Variants in HDAC9 observed in about 807,000 individuals in gnomAD.
The protein encoded by HDAC9 is histone deacetylase 9, also known as MEF-2 interacting transcription repressor (MITR) protein.
A neutral mutation model predicts 139.4 loss-of-function variants in HDAC9; 41 were observed. The ratio of observed to expected loss-of-function variants is 0.29; its 90% confidence interval spans 0.23 to 0.38. The LOEUF is 0.38. HDAC9 is among the 10% of genes least tolerant of loss of function. The pLI, the probability that HDAC9 is intolerant of heterozygous loss-of-function variation, is 1.00. For synonymous variants in HDAC9, 517 were observed against 476.2 expected (o/e 1.09, Z -1.12); for missense variants, 1,147 against 1,297.0 (o/e 0.88, Z 1.78).
chr7:18,349,567 T>C (rs1175502287), intron 1 of HDAC9, among the ~76,000 whole-genome samples: 2 of 152,130 alleles, frequency 1.3e-5, no homozygotes, highest in Admixed American at 6.6e-5. Flanking sequence ...TTCTCAAACA[T>C]TGAATTGGGG....
chr7:18,560,963 C>T (rs1043598974), intron 2 of HDAC9, among the ~76,000 whole-genome samples: 2 of 152,130 alleles, frequency 1.3e-5, no homozygotes, highest in Non-Finnish European at 2.9e-5. Context: ...AAATGACTAT[C>T]TTATTAAGAC....
At chr7:18,957,099 G>T (rs1004554839) in intron 24 of HDAC9, among the ~76,000 whole-genome samples, 1 of 151,722 alleles carries the variant, frequency 6.6e-6, no homozygotes, top group Non-Finnish European at 1.5e-5. Flanking sequence ...CAGTTGAGAG[G>T]GCTCTGAATA....
At chr7:18,922,994 A>G (rs928214150) in intron 22 of HDAC9, among the ~76,000 whole-genome samples, 1 of 152,230 alleles carries the variant, frequency 6.6e-6, no homozygotes, top group South Asian at 2.1e-4. Context: ...AATTATTAGG[A>G]TGAGTTACAC....
chr7:18,826,928 A>G (rs1340286574), intron 17 of HDAC9, among the ~76,000 whole-genome samples: 3 of 151,782 alleles, frequency 2.0e-5, no homozygotes, highest in African/African-American at 7.3e-5. Flanking sequence ...CCATTAGATA[A>G]TTCATTTTTG....
chr7:18,407,464 GCCTAAAAACGTATGAA>G (rs1401065183), intron 1 of HDAC9, among the ~76,000 whole-genome samples: 1 of 152,018 alleles, frequency 6.6e-6, no homozygotes, highest in African/African-American at 2.4e-5. Flanking sequence ...CAAACAAAGA[GCCTAAAAACGTATGAA>G]CAGCCAATAG....
chr7:18,748,855 G>T, intron 13 of HDAC9, 150 bp from the exon 14 acceptor site: 2 of 737,150 alleles, frequency 2.7e-6, no homozygotes, highest in East Asian at 5.4e-5. Context: ...GTTCTTATGT[G>T]CTCCTGAGAA....
intron 1 of HDAC9, among the ~76,000 whole-genome samples, chr7:18,133,932 G>GCACACACACACACACGCACACA (rs139875314): frequency 8.9e-5 from 13 of 145,828 alleles, no homozygotes; most frequent in African/African-American, 3.1e-4. Flanking sequence ...ATACACGCGT[G>GCACACACACACACACGCACACA]CACACACACA....
At chr7:18,576,945 AAGAG>A (rs142999008) in intron 2 of HDAC9, among the ~76,000 whole-genome samples, 22 of 151,438 alleles carry the variant, frequency 1.5e-4, no homozygotes, top group African/African-American at 5.1e-4. Flanking sequence ...GAGAGAGAAA[AAGAG>A]AGAGAGAGAG....
chr7:18,993,474 C>G (rs1030244885), intron 25 of HDAC9, among the ~76,000 whole-genome samples: 2 of 152,276 alleles, frequency 1.3e-5, no homozygotes, highest in Admixed American at 6.5e-5. Flanking sequence ...TTCCAACTTA[C>G]TATGCTACTA....
chr7:18,473,755 T>TTCC (rs1794904955), intron 1 of HDAC9, among the ~76,000 whole-genome samples: 1 of 152,244 alleles, frequency 6.6e-6, no homozygotes. Context: ...TAGAGCCTTG[T>TTCC]TATGTTTTCC....
chr7:18,986,455 G>T (rs1208234225), intron 25 of HDAC9, among the ~76,000 whole-genome samples: 1 of 101,580 alleles, frequency 9.8e-6, no homozygotes, highest in Non-Finnish European at 2.1e-5. Context: ...CCAGTACCAT[G>T]CTGTTTTGGT....
chr7:18,122,657 C>A (rs189105819), intron 1 of HDAC9, among the ~76,000 whole-genome samples: 144 of 152,138 alleles, frequency 9.5e-4, no homozygotes, highest in African/African-American at 3.4e-3. Context: ...CTTGCTGTGT[C>A]CCCCAGGCTG....
At chr7:18,406,370 C>T (rs1026534645) in intron 1 of HDAC9, among the ~76,000 whole-genome samples, 12 of 151,972 alleles carry the variant, frequency 7.9e-5, no homozygotes, top group African/African-American at 2.7e-4. Flanking sequence ...CAATATTTCC[C>T]TTTTTTTCTT....
intron 16 of HDAC9, among the ~76,000 whole-genome samples, chr7:18,786,840 C>CTTCT (rs1443718740): frequency 5.1e-5 from 2 of 38,980 alleles, no homozygotes; most frequent in Non-Finnish European, 1.5e-4. Flanking sequence ...TCCTTCATTC[C>CTTCT]TTCCTTCCTT....
At chr7:18,785,475 G>C (rs964741060) in intron 16 of HDAC9, among the ~76,000 whole-genome samples, 5 of 151,988 alleles carry the variant, frequency 3.3e-5, no homozygotes, top group African/African-American at 1.2e-4. Flanking sequence ...CAAAATCACT[G>C]TCATTGAGAT....
intron 11 of HDAC9, among the ~76,000 whole-genome samples, chr7:18,651,539 A>G (rs998235326): frequency 2.0e-5 from 3 of 152,188 alleles, no homozygotes; most frequent in Non-Finnish European, 2.9e-5. Context: ...ATGTGTTTGA[A>G]TTACTAATAA....
At chr7:18,101,798 A>C (rs949959772) in intron 1 of HDAC9, among the ~76,000 whole-genome samples, 1 of 152,232 alleles carries the variant, frequency 6.6e-6, no homozygotes, top group Non-Finnish European at 1.5e-5. Flanking sequence ...TTTGTTGAGC[A>C]TAATAATTTA....
chr7:18,639,631 A>G (rs755897846), intron 8 of HDAC9, among the ~76,000 whole-genome samples: 1 of 152,086 alleles, frequency 6.6e-6, no homozygotes, highest in Admixed American at 6.6e-5. Flanking sequence ...AAGAGTAGAA[A>G]ATAAATACAA....
chr7:18,570,012 T>C (rs1341272676), intron 2 of HDAC9, among the ~76,000 whole-genome samples: 1 of 152,200 alleles, frequency 6.6e-6, no homozygotes, highest in Non-Finnish European at 1.5e-5. Flanking sequence ...CCAAACCTCA[T>C]TAACACTGTT....
Sources: allele counts gnomAD v4.1 joint callset (sites outside exome capture counted in the v4.1 genomes callset), GRCh38; gene constraint gnomAD v4.1.1; transcripts MANE v1.5; gene names NCBI Gene and HGNC (gene_info 2026-07-23, HGNC 2026-07-21).